SPEF2: variants seen among roughly 807,000 people sequenced by gnomAD.
SPEF2 encodes the protein sperm flagellar and cilia associated 2.
SPEF2 carries 187 observed loss-of-function variants against 224.6 expected under a neutral mutation model. That is an observed-to-expected ratio of 0.83 (90% CI 0.74 to 0.94). The LOEUF is 0.94. SPEF2 is among the 40% of genes least tolerant of loss of function. The pLI is 0.00. For synonymous variants in SPEF2, 715 were observed against 707.3 expected (o/e 1.01, Z -0.17); for missense variants, 2,170 against 2,135.6 (o/e 1.02, Z -0.32).
chr5:35,637,296 AT>A (rs1425060559), intron 2 of SPEF2, among the ~76,000 whole-genome samples: 1 of 152,158 alleles, frequency 6.6e-6, no homozygotes, highest in African/African-American at 2.4e-5. Flanking sequence ...GATTTTTACA[AT>A]TTTTATGAGT....
At chr5:35,757,858 A>T (rs1750676322) in intron 24 of SPEF2, among the ~76,000 whole-genome samples, 1 of 152,258 alleles carries the variant, frequency 6.6e-6, no homozygotes, top group Admixed American at 6.5e-5. Context: ...GAGACAATAC[A>T]TAAATGGTAC....
chr5:35,657,120 A>G (rs771259920), intron 7 of SPEF2, among the ~76,000 whole-genome samples: 1 of 152,256 alleles, frequency 6.6e-6, no homozygotes, highest in Non-Finnish European at 1.5e-5. Context: ...TTTCACAAGC[A>G]TGACATAAAT....
chr5:35,620,975 G>A (rs973266430), intron 1 of SPEF2, among the ~76,000 whole-genome samples: 1 of 152,152 alleles, frequency 6.6e-6, no homozygotes, highest in African/African-American at 2.4e-5. Flanking sequence ...GTGTGTTATA[G>A]GGATTACCCT....
Position 35,774,862 on chromosome 5 carries a change from A to T in SPEF2, c.4078+841A>T, listed in dbSNP as rs72738893. Among the ~76,000 whole-genome samples the T allele has an allele frequency of 5.5e-3, 837 of 152,276 alleles. 4 individuals are homozygous for T. Among genetic ancestry groups the T allele is most frequent in the Non-Finnish European group, 9.5e-3 (644 of 68,024 alleles). On this transcript the variant is annotated intron_variant, in intron 28 of 36. Transcript: ENST00000356031. ...AACCCCAACAATAAAATCTGAAGTC[A>T]GTTGAACACAGGGAGACTGTGGCAT...
At chr5:35,765,082 G>A (rs1473339658) in intron 26 of SPEF2, among the ~76,000 whole-genome samples, 1 of 151,942 alleles carries the variant, frequency 6.6e-6, no homozygotes, top group Non-Finnish European at 1.5e-5. Flanking sequence ...TTCTCTAAAG[G>A]GGACCAACAT....
chr5:35,686,453 C>G (rs73750816), intron 10 of SPEF2, among the ~76,000 whole-genome samples: 1 of 151,876 alleles, frequency 6.6e-6, no homozygotes, highest in Non-Finnish European at 1.5e-5. Flanking sequence ...TTTAAAGATC[C>G]TCAAGTGACT....
At position 35,789,763 on chromosome 5, in the gene SPEF2, T is replaced by G. The variant is rs576371323; in HGVS notation, c.4448-2577T>G. On this transcript the variant is annotated intron_variant, in intron 30 of 36. Coordinates refer to ENST00000356031, the MANE Select transcript of SPEF2 (RefSeq NM_024867.4). Reference sequence around the variant, plus strand: ...TTCTCCCATGGTCTGTGTGAGTTTCTTTTATATATGTGACTATTTTTGGCA... The same window carrying G: ...TTCTCCCATGGTCTGTGTGAGTTTCGTTTATATATGTGACTATTTTTGGCA... The G allele has an allele frequency of 7.0e-5, 49 of 700,106 alleles. No individual in the cohort carries two copies. In the East Asian group the frequency reaches 1.3e-3, roughly 19 times the overall value. 43.4% of individuals were successfully genotyped at this position (700,106 alleles called of 1,614,324 possible). A position where few individuals can be genotyped will look rare whatever the true frequency, so the allele number is the denominator to read the frequency against.
chr5:35,674,521 T>TC (rs1751630045), intron 10 of SPEF2, among the ~76,000 whole-genome samples: 1 of 93,212 alleles, frequency 1.1e-5, no homozygotes, highest in Non-Finnish European at 2.1e-5. Context: ...ATGCTCTCCC[T>TC]CCCCCCTCCC....
chr5:35,711,871 C>A (rs1233444145), intron 19 of SPEF2, among the ~76,000 whole-genome samples: 3 of 152,066 alleles, frequency 2.0e-5, no homozygotes, highest in South Asian at 2.1e-4. Flanking sequence ...TTTCAATTGC[C>A]ATACTGGTTC....
intron 10 of SPEF2, among the ~76,000 whole-genome samples, chr5:35,685,866 A>C (rs1394172632): frequency 3.9e-5 from 6 of 151,932 alleles, no homozygotes; most frequent in African/African-American, 1.4e-4. Context: ...TTCCTCAAAA[A>C]AAAAAAAAAA....
At chr5:35,753,899 T>G in intron 24 of SPEF2, 138 bp downstream of exon 24, 1 of 1,041,076 alleles carries the variant, frequency 9.6e-7, no homozygotes, top group Non-Finnish European at 1.4e-6. Flanking sequence ...TGGTATGAGC[T>G]CCAACTCACC....
chr5:35,628,851 C>A (rs1169745298), intron 2 of SPEF2, among the ~76,000 whole-genome samples: 8 of 152,028 alleles, frequency 5.3e-5, no homozygotes, highest in African/African-American at 1.9e-4. Context: ...CTCAGCCTTC[C>A]AAAGTGTTGA....
chr5:35,792,374 G>T lies in SPEF2; in HGVS notation c.4482G>T (p.Leu1494=). Residue 1494 remains leucine, a synonymous_variant, in exon 31 of 37, where the codon CTG becomes CTT. Coordinates refer to ENST00000356031, the MANE Select transcript of SPEF2 (RefSeq NM_024867.4). Reference sequence around the variant, plus strand: ...GAAATAAAGCATTTACTGACATTCTGATCGATTTGGTGACCCTGAACCTTG... The same window carrying T: ...GAAATAAAGCATTTACTGACATTCTTATCGATTTGGTGACCCTGAACCTTG... ...IIGNKAFTDI[L]IDLVTLNLGT... The T allele has an allele frequency of 1.2e-6, 2 of 1,613,754 alleles. No individual in the cohort carries two copies. Among genetic ancestry groups the T allele is most frequent in the Non-Finnish European group, 1.7e-6 (2 of 1,179,796 alleles).
At position 35,711,383 on chromosome 5, in the gene SPEF2, T is replaced by C. The variant is rs548171542; in HGVS notation, c.2840-1429T>C. 4.8e-3 allele frequency among the ~76,000 whole-genome samples: 725 copies of C among 152,292 alleles called. 6 individuals carry two copies. Among genetic ancestry groups the C allele is most frequent in the African/African-American group, 0.017 (689 of 41,566 alleles). On this transcript the variant is annotated intron_variant, in intron 19 of 36. Coordinates refer to ENST00000356031, the MANE Select transcript of SPEF2 (RefSeq NM_024867.4). ...TTTGTTAAAAAATTGTTCTATATTTTATTCAGTTCCATATTTTATATCTCC... is the reference window on the plus strand; with the variant it reads ...TTTGTTAAAAAATTGTTCTATATTTCATTCAGTTCCATATTTTATATCTCC...
intron 19 of SPEF2, chr5:35,709,708 T>A (rs1190806280): frequency 2.6e-5 from 26 of 985,300 alleles, no homozygotes; most frequent in Non-Finnish European, 3.1e-5. Context: ...TTGTTCTAGA[T>A]CCTTAACCGC....
chr5:35,664,116 T>C (rs1750102969), intron 8 of SPEF2, among the ~76,000 whole-genome samples: 1 of 152,130 alleles, frequency 6.6e-6, no homozygotes, highest in East Asian at 1.9e-4. Context: ...ATGCCCCTTC[T>C]TGTCTAGGTC....
At chr5:35,690,050 T>C (rs561240329) in intron 10 of SPEF2, among the ~76,000 whole-genome samples, 1 of 152,176 alleles carries the variant, frequency 6.6e-6, no homozygotes, top group Non-Finnish European at 1.5e-5. Flanking sequence ...ATTACTTTTG[T>C]TCCCTATTTT....
intron 2 of SPEF2, among the ~76,000 whole-genome samples, chr5:35,633,440 A>G (rs974395459): frequency 4.6e-5 from 7 of 152,058 alleles, no homozygotes; most frequent in African/African-American, 1.4e-4. Context: ...GCCTGATACT[A>G]TAGTCACTCT....
chr5:35,801,142 G>T (rs999086838), intron 34 of SPEF2, among the ~76,000 whole-genome samples: 9 of 152,170 alleles, frequency 5.9e-5, no homozygotes, highest in Non-Finnish European at 1.2e-4. Context: ...AACACACAGT[G>T]GCAGAAAGTT....
Sources: gnomAD v4.1 joint callset for allele counts (sites outside exome capture counted in the v4.1 genomes callset) on GRCh38, gnomAD v4.1.1 for gene constraint, MANE v1.5 for transcripts, NCBI Gene and HGNC (gene_info 2026-07-23, HGNC 2026-07-21) for gene names.